Variants in PTPRD observed in about 807,000 individuals in gnomAD.
The protein encoded by PTPRD is protein tyrosine phosphatase receptor type D.
PTPRD carries 34 observed loss-of-function variants against 214.5 expected under a neutral mutation model. The ratio of observed to expected loss-of-function variants is 0.16; its 90% CI spans 0.12 to 0.21. The LOEUF is 0.21. Ranked by LOEUF, PTPRD falls within the 10% of genes least tolerant of loss-of-function variation. The probability of loss-of-function intolerance (pLI) is 1.00; values close to 1 mark genes in which losing one functional copy is unlikely to be tolerated. For synonymous variants in PTPRD, 1,128 were observed against 845.7 expected, an observed-to-expected ratio of 1.33 and a Z score of -5.79; for missense variants, 2,545 against 2,398.7, an observed-to-expected ratio of 1.06 and a Z score of -1.27.
At chr9:8,775,018 G>T (rs187489315) in intron 11 of PTPRD, among the ~76,000 whole-genome samples, 2 of 152,016 alleles carry the variant, frequency 1.3e-5, no homozygotes, top group Admixed American at 6.6e-5. Context: ...ATTTTTGATC[G>T]GGCGCCATGG....
chr9:9,878,132 C>T (rs2067463019), intron 5 of PTPRD, among the ~76,000 whole-genome samples: 1 of 152,098 alleles, frequency 6.6e-6, no homozygotes. Context: ...CTCAGGACAT[C>T]CAGCTAGAGA....
intron 12 of PTPRD, among the ~76,000 whole-genome samples, chr9:8,689,216 A>G (rs1369991188): frequency 6.6e-6 from 1 of 152,246 alleles, no homozygotes; most frequent in Non-Finnish European, 1.5e-5. Context: ...TTATTAAAAA[A>G]TAAAAATAAA....
intron 3 of PTPRD, among the ~76,000 whole-genome samples, chr9:10,250,474 T>A (rs1451526196): frequency 6.6e-6 from 1 of 152,054 alleles, no homozygotes; most frequent in African/African-American, 2.4e-5. Context: ...TCAGATCAAA[T>A]TTGGACTCTT....
chr9:8,927,423 T>C (rs1346078071), intron 11 of PTPRD, among the ~76,000 whole-genome samples: 1 of 152,126 alleles, frequency 6.6e-6, no homozygotes, highest in East Asian at 1.9e-4. Flanking sequence ...GTGTTCTCAT[T>C]GTTCAACTCC....
intron 35 of PTPRD, among the ~76,000 whole-genome samples, chr9:8,419,519 G>A (rs2094202971): frequency 6.6e-6 from 1 of 151,876 alleles, no homozygotes; most frequent in African/African-American, 2.4e-5. Context: ...AAACATAAAT[G>A]GCACGCTCTA....
chr9:9,870,000 TG>T (rs2065020752), intron 5 of PTPRD, among the ~76,000 whole-genome samples: 1 of 152,102 alleles, frequency 6.6e-6, no homozygotes, highest in Non-Finnish European at 1.5e-5. Context: ...ATAAAATATT[TG>T]TTAGCTTACA....
chr9:8,682,951 G>A (rs958853623), intron 12 of PTPRD, among the ~76,000 whole-genome samples: 1 of 152,126 alleles, frequency 6.6e-6, no homozygotes, highest in African/African-American at 2.4e-5. Context: ...TCAAGACTAT[G>A]ACTTGCAGGT....
intron 8 of PTPRD, among the ~76,000 whole-genome samples, chr9:9,532,518 A>G (rs1489179429): frequency 7.2e-5 from 11 of 152,146 alleles, no homozygotes; most frequent in Non-Finnish European, 1.5e-4. Flanking sequence ...CACAGATGTA[A>G]CAGTGGTCAA....
intron 2 of PTPRD, among the ~76,000 whole-genome samples, chr9:10,433,186 C>T (rs913778907): frequency 3.3e-5 from 5 of 151,800 alleles, no homozygotes; most frequent in African/African-American, 9.7e-5. Flanking sequence ...TGGAAAGAGA[C>T]CTTATTACCT....
chr9:10,284,760 T>C (rs983073102), intron 3 of PTPRD, among the ~76,000 whole-genome samples: 5 of 151,070 alleles, frequency 3.3e-5, no homozygotes, highest in African/African-American at 7.4e-5. Context: ...CATGAAACCT[T>C]GATTCTGCAA....
intron 3 of PTPRD, among the ~76,000 whole-genome samples, chr9:10,060,707 T>C (rs547764896): frequency 6.8e-6 from 1 of 146,478 alleles, no homozygotes; most frequent in Non-Finnish European, 1.5e-5. Context: ...AAAGGCTTTT[T>C]AAAAAGTATT....
intron 2 of PTPRD, among the ~76,000 whole-genome samples, chr9:10,428,313 A>G (rs2098644086): frequency 6.6e-6 from 1 of 151,994 alleles, no homozygotes; most frequent in South Asian, 2.1e-4. Context: ...TCTTGGGGGA[A>G]AAAAAATCAT....
At chr9:8,442,633 C>T (rs368481329) in intron 34 of PTPRD, among the ~76,000 whole-genome samples, 3 of 152,170 alleles carry the variant, frequency 2.0e-5, no homozygotes, top group Middle Eastern at 6.8e-3. Context: ...GAGTTAACAG[C>T]CAGAAAGAGA....
At chr9:9,316,110 G>A (rs571068601) in intron 9 of PTPRD, among the ~76,000 whole-genome samples, 1 of 151,952 alleles carries the variant, frequency 6.6e-6, no homozygotes, top group South Asian at 2.1e-4. Context: ...GGATGTGCTT[G>A]CTTGAAAACA....
intron 3 of PTPRD, among the ~76,000 whole-genome samples, chr9:10,228,484 A>G (rs2099596626): frequency 1.3e-5 from 2 of 151,948 alleles, no homozygotes; most frequent in African/African-American, 4.8e-5. Flanking sequence ...TAAGAACTAT[A>G]ATTAGCTCTA....
intron 12 of PTPRD, chr9:8,713,985 A>G (rs1012939735): frequency 1.5e-5 from 9 of 603,736 alleles, no homozygotes; most frequent in African/African-American, 1.1e-4. Flanking sequence ...CAGTGACTCA[A>G]TTTCAGGCTT....
intron 11 of PTPRD, among the ~76,000 whole-genome samples, chr9:8,972,078 T>C (rs1056266458): frequency 2.0e-5 from 3 of 151,802 alleles, no homozygotes; most frequent in Admixed American, 6.6e-5. Context: ...TGGCCTAACA[T>C]GAAAGAACTC....
At chr9:8,716,736 C>T (rs1176834818) in intron 12 of PTPRD, among the ~76,000 whole-genome samples, 3 of 152,172 alleles carry the variant, frequency 2.0e-5, no homozygotes, top group Admixed American at 6.5e-5. Context: ...GTGGTGGCTT[C>T]CCTCATGAGA....
chr9:8,352,223 T>C (rs1171234432), intron 39 of PTPRD, among the ~76,000 whole-genome samples: 4 of 152,184 alleles, frequency 2.6e-5, no homozygotes, highest in African/African-American at 9.7e-5. Context: ...ATTAGAAGGC[T>C]AATGTGTTCG....
Sources: gnomAD v4.1 joint callset for allele counts (sites outside exome capture counted in the v4.1 genomes callset) on GRCh38, gnomAD v4.1.1 for gene constraint, MANE v1.5 for transcripts, NCBI Gene and HGNC (gene_info 2026-07-23, HGNC 2026-07-21) for gene names.